Variants in BTBD9 observed in about 807,000 individuals in gnomAD.
BTBD9 encodes the protein BTB domain containing 9, also known as BTB/POZ domain-containing protein 9.
In BTBD9, 49 loss-of-function variants were observed where a neutral mutation model predicts 64.3. The ratio of observed to expected loss-of-function variants is 0.76; its 90% CI spans 0.61 to 0.97. The LOEUF (loss-of-function observed/expected upper bound fraction) is 0.97, where lower values mean the gene tolerates loss of function less well. Ranked by LOEUF, BTBD9 falls within the 50% of genes least tolerant of loss-of-function variation. BTBD9 has a pLI of 0.00. For synonymous variants in BTBD9, 260 were observed against 274.7 expected, an observed-to-expected ratio of 0.95 and a Z score of 0.53; for missense variants, 598 against 762.1, an observed-to-expected ratio of 0.78 and a Z score of 2.53.
In BTBD9 at chr6:38,254,092, T is replaced by C. The variant is rs148674781; in HGVS notation, c.1562+2317A>G. ...TAGAGCAAGGCTTTTCAGAACTAGG[T>C]GTACCTTCTCTGTTCTTTCTCCTGC... On this transcript the variant is annotated intron_variant, in intron 9 of 10. Coordinates refer to ENST00000481247, the MANE Select transcript of BTBD9 (RefSeq NM_001099272.2). Among the ~76,000 whole-genome samples the C allele has an allele frequency of 1.5e-3, 232 of 150,770 alleles. 1 individual carries two copies. The highest frequency in any genetic ancestry group is 5.3e-3 in the African/African-American group (215 of 40,898).
chr6:38,503,524 A>G (rs576045150), intron 6 of BTBD9, among the ~76,000 whole-genome samples: 10 of 152,090 alleles, frequency 6.6e-5, no homozygotes, highest in Non-Finnish European at 1.5e-4. Flanking sequence ...CATAAATCCC[A>G]GAGCCAGGAG....
chr6:38,371,445 G>A (rs537245577), intron 6 of BTBD9, among the ~76,000 whole-genome samples: 6 of 152,184 alleles, frequency 3.9e-5, no homozygotes, highest in Admixed American at 1.3e-4. Context: ...AGGGTAGACC[G>A]TGAGCCTTCC....
chr6:38,220,934 G>C (rs1397918175), intron 9 of BTBD9, among the ~76,000 whole-genome samples: 1 of 152,170 alleles, frequency 6.6e-6, no homozygotes, highest in Admixed American at 6.5e-5. Context: ...GGCTCTCCAA[G>C]GTCATACAGA....
intron 6 of BTBD9, among the ~76,000 whole-genome samples, chr6:38,473,881 G>C (rs1048018399): frequency 6.6e-6 from 1 of 152,146 alleles, no homozygotes; most frequent in Non-Finnish European, 1.5e-5. Flanking sequence ...AGACTAAAGG[G>C]TAAGTATAAC....
intron 7 of BTBD9, among the ~76,000 whole-genome samples, chr6:38,310,986 G>C (rs755708644): frequency 1.4e-4 from 21 of 151,876 alleles, no homozygotes; most frequent in Non-Finnish European, 2.8e-4. Flanking sequence ...TTTTTTTGCA[G>C]TTTTAGTAGA....
intron 9 of BTBD9, among the ~76,000 whole-genome samples, chr6:38,240,506 T>C (rs113422581): frequency 0.022 from 3,287 of 152,250 alleles, 97 homozygotes; most frequent in African/African-American, 0.074. Flanking sequence ...GGCAGGGAAA[T>C]GATTCAATAG....
intron 8 of BTBD9, among the ~76,000 whole-genome samples, chr6:38,276,727 C>T (rs1302736092): frequency 2.6e-5 from 4 of 152,056 alleles, no homozygotes; most frequent in East Asian, 1.9e-4. Context: ...GGTAGTATGA[C>T]GGTCATTGCC....
At chr6:38,631,514 G>C (rs540010948) in intron 1 of BTBD9, among the ~76,000 whole-genome samples, 7 of 152,288 alleles carry the variant, frequency 4.6e-5, no homozygotes, top group African/African-American at 1.4e-4. Flanking sequence ...AAGGCACATG[G>C]TTTCCTCCTT....
chr6:38,187,851 C>T (rs899611038), intron 10 of BTBD9, among the ~76,000 whole-genome samples: 1 of 152,206 alleles, frequency 6.6e-6, no homozygotes, highest in East Asian at 1.9e-4. Context: ...CAGCAGCAGA[C>T]GTACACTTCC....
At chr6:38,438,240 G>A (rs62397052) in intron 6 of BTBD9, among the ~76,000 whole-genome samples, 14,897 of 58,802 alleles carry the variant, frequency 0.25, 1,708 homozygotes, top group East Asian at 0.51. Context: ...GGGAGGGAGG[G>A]AGGGAGGGAG....
At chr6:38,410,511 A>G (rs1172316812) in intron 6 of BTBD9, among the ~76,000 whole-genome samples, 1 of 152,202 alleles carries the variant, frequency 6.6e-6, no homozygotes, top group African/African-American at 2.4e-5. Flanking sequence ...AAATAATGTT[A>G]ATGGAATAAT....
chr6:38,266,670 GA>G (rs1251740053), intron 8 of BTBD9, among the ~76,000 whole-genome samples: 2 of 104,990 alleles, frequency 1.9e-5, no homozygotes, highest in African/African-American at 8.4e-5. Flanking sequence ...AAGAAAGAAA[GA>G]AAGAAAGAAG....
At chr6:38,579,010 T>A (rs1246360107) in intron 5 of BTBD9, among the ~76,000 whole-genome samples, 1 of 152,216 alleles carries the variant, frequency 6.6e-6, no homozygotes, top group Non-Finnish European at 1.5e-5. Context: ...TGCATATACA[T>A]ATTATTATTA....
At chr6:38,521,824 G>A (rs1773283663) in intron 6 of BTBD9, among the ~76,000 whole-genome samples, 2 of 152,028 alleles carry the variant, frequency 1.3e-5, no homozygotes, top group Admixed American at 1.3e-4. Flanking sequence ...ATAGGCGCCT[G>A]CCACCATGCT....
At chr6:38,511,841 G>A (rs1052896513) in intron 6 of BTBD9, among the ~76,000 whole-genome samples, 5 of 152,142 alleles carry the variant, frequency 3.3e-5, no homozygotes, top group Admixed American at 1.3e-4. Flanking sequence ...AACATAAGGC[G>A]CAGTTCTGGG....
chr6:38,456,572 T>C (rs1769820368), intron 6 of BTBD9, among the ~76,000 whole-genome samples: 1 of 152,206 alleles, frequency 6.6e-6, no homozygotes, highest in African/African-American at 2.4e-5. Flanking sequence ...GTTTTTGTTA[T>C]CTCAGTGTGG....
intron 9 of BTBD9, among the ~76,000 whole-genome samples, chr6:38,251,220 T>C (rs1764389810): frequency 6.6e-6 from 1 of 151,706 alleles, no homozygotes; most frequent in Non-Finnish European, 1.5e-5. Context: ...ATTTGTTTTA[T>C]ATCAAGGAGT....
chr6:38,217,696 T>C (rs12660121), intron 9 of BTBD9, among the ~76,000 whole-genome samples: 116,642 of 148,188 alleles, frequency 0.79, 45,878 homozygotes, highest in East Asian at 0.93. Context: ...TTTTTTCTTT[T>C]TTCTTTTTTT....
chr6:38,313,958 C>A (rs1034766728), intron 7 of BTBD9, among the ~76,000 whole-genome samples: 2 of 151,690 alleles, frequency 1.3e-5, no homozygotes, highest in African/African-American at 4.8e-5. Flanking sequence ...CCAGGCTGGT[C>A]GCAAATTCCT....
Sources: allele counts gnomAD v4.1 joint callset (sites outside exome capture counted in the v4.1 genomes callset), GRCh38; gene constraint gnomAD v4.1.1; transcripts MANE v1.5; gene names NCBI Gene and HGNC (gene_info 2026-07-23, HGNC 2026-07-21).